RBMS3: variants seen among roughly 807,000 people sequenced by gnomAD.
RBMS3 encodes the protein RNA-binding motif, single-stranded-interacting protein 3.
Under a neutral mutation model 66.8 loss-of-function variants are expected in RBMS3, and 27 were observed. That is an observed-to-expected ratio of 0.40 (90% CI 0.30 to 0.56). RBMS3 has a LOEUF of 0.56. Ranked by LOEUF, RBMS3 falls within the 20% of genes least tolerant of loss-of-function variation. RBMS3 has a pLI of 0.40. For missense variants in RBMS3, 513 were observed against 549.5 expected, an observed-to-expected ratio of 0.93 and a Z score of 0.66; for synonymous variants, 188 against 183.0, an observed-to-expected ratio of 1.03 and a Z score of -0.22.
At chr3:29,607,273 C>T (rs1230376381) in intron 4 of RBMS3, among the ~76,000 whole-genome samples, 2 of 151,762 alleles carry the variant, frequency 1.3e-5, no homozygotes, top group African/African-American at 4.8e-5. Context: ...TAGTAAAATG[C>T]CATAGACTAG....
intron 1 of RBMS3, among the ~76,000 whole-genome samples, chr3:29,404,462 C>T (rs1297398366): frequency 6.6e-6 from 1 of 152,044 alleles, no homozygotes; most frequent in African/African-American, 2.4e-5. Context: ...TATCTAAATG[C>T]TCTTTGTTAG....
At chr3:29,911,437 A>C (rs1215975489) in intron 10 of RBMS3, among the ~76,000 whole-genome samples, 1 of 152,058 alleles carries the variant, frequency 6.6e-6, no homozygotes, top group African/African-American at 2.4e-5. Context: ...ATTCCATTAA[A>C]CATGGCATCT....
At chr3:29,625,297 AT>A (rs149091605) in intron 4 of RBMS3, among the ~76,000 whole-genome samples, 2 of 152,094 alleles carry the variant, frequency 1.3e-5, no homozygotes, top group African/African-American at 4.8e-5. Flanking sequence ...TACCACAGTT[AT>A]TTTTTTATAT....
At chr3:29,674,464 G>T (rs1487738190) in intron 4 of RBMS3, among the ~76,000 whole-genome samples, 1 of 152,072 alleles carries the variant, frequency 6.6e-6, no homozygotes, top group Non-Finnish European at 1.5e-5. Context: ...AAGTCAAATT[G>T]TCCCCGTTTG....
chr3:29,545,405 A>G (rs1443417535), intron 3 of RBMS3, among the ~76,000 whole-genome samples: 2 of 152,176 alleles, frequency 1.3e-5, no homozygotes, highest in Non-Finnish European at 2.9e-5. Flanking sequence ...AATTTGGGAA[A>G]AAATGTGTAA....
chr3:29,527,482 A>G (rs1218123755), intron 3 of RBMS3, among the ~76,000 whole-genome samples: 1 of 152,150 alleles, frequency 6.6e-6, no homozygotes, highest in Non-Finnish European at 1.5e-5. Context: ...GAGCAACTCC[A>G]TAACCAGGGG....
At chr3:29,330,913 G>C (rs6777437) in intron 1 of RBMS3, among the ~76,000 whole-genome samples, 2 of 152,020 alleles carry the variant, frequency 1.3e-5, no homozygotes, top group African/African-American at 4.8e-5. Flanking sequence ...CTGGAATAAA[G>C]TTGCTTTGCA....
At chr3:29,797,744 G>A (rs2149437478) in intron 6 of RBMS3, 1 of 152,248 alleles carries the variant, frequency 6.6e-6, no homozygotes, top group Admixed American at 6.5e-5. Flanking sequence ...AATAGGGATG[G>A]TATTAGGTGT....
chr3:29,542,472 C>T (rs546213462), intron 3 of RBMS3, among the ~76,000 whole-genome samples: 11 of 152,178 alleles, frequency 7.2e-5, no homozygotes, highest in East Asian at 1.9e-4. Flanking sequence ...GCGATTCTCC[C>T]GCCTCAGCCT....
chr3:29,816,511 T>G (rs1240388590), intron 6 of RBMS3, among the ~76,000 whole-genome samples: 1 of 152,184 alleles, frequency 6.6e-6, no homozygotes, highest in Admixed American at 6.5e-5. Flanking sequence ...AACCAACTTT[T>G]TTTTTGTTAA....
chr3:29,488,618 C>A, intron 3 of RBMS3, 119 bp downstream of exon 3: 1 of 733,824 alleles, frequency 1.4e-6, no homozygotes, highest in Non-Finnish European at 2.1e-6. Flanking sequence ...TATGGAAAAC[C>A]TCTTTAATGA....
intron 4 of RBMS3, among the ~76,000 whole-genome samples, chr3:29,660,928 A>G (rs777019217): frequency 1.3e-5 from 2 of 152,190 alleles, no homozygotes; most frequent in Non-Finnish European, 2.9e-5. Flanking sequence ...GTTATGACAG[A>G]TTCTTTGTCT....
chr3:29,625,210 T>C (rs6808057), intron 4 of RBMS3, among the ~76,000 whole-genome samples: 48,739 of 152,032 alleles, frequency 0.32, 8,357 homozygotes, highest in African/African-American at 0.43. Flanking sequence ...TTCTCTATAG[T>C]AGTGTGAAAA....
At chr3:29,606,546 A>T (rs1341896911) in intron 4 of RBMS3, among the ~76,000 whole-genome samples, 1 of 151,982 alleles carries the variant, frequency 6.6e-6, no homozygotes, top group Non-Finnish European at 1.5e-5. Flanking sequence ...CTCTCTTTGT[A>T]TAAAGCATCC....
chr3:29,927,643 T>C (rs1464746864), intron 10 of RBMS3, among the ~76,000 whole-genome samples: 2 of 152,152 alleles, frequency 1.3e-5, no homozygotes, highest in Non-Finnish European at 2.9e-5. Flanking sequence ...AAGCCTAGCG[T>C]TGCAGGCCAA....
At chr3:29,735,741 T>C (rs183150403) in intron 4 of RBMS3, among the ~76,000 whole-genome samples, 7 of 152,318 alleles carry the variant, frequency 4.6e-5, no homozygotes, top group African/African-American at 1.2e-4. Context: ...TTATTAATCA[T>C]TGGATTTTAA....
intron 4 of RBMS3, among the ~76,000 whole-genome samples, chr3:29,608,940 CT>C (rs1312615194): frequency 7.9e-5 from 12 of 151,892 alleles, no homozygotes; most frequent in Non-Finnish European, 1.5e-4. Flanking sequence ...TTATGTATTC[CT>C]TATAAATTTC....
chr3:29,917,333 C>A (rs746911350), intron 10 of RBMS3, among the ~76,000 whole-genome samples: 4 of 152,076 alleles, frequency 2.6e-5, no homozygotes, highest in Non-Finnish European at 5.9e-5. Flanking sequence ...TTGGCGATGT[C>A]CTTCCTTCAA....
At chr3:29,666,780 T>C (rs1379944723) in intron 4 of RBMS3, among the ~76,000 whole-genome samples, 2 of 152,206 alleles carry the variant, frequency 1.3e-5, no homozygotes, top group Non-Finnish European at 2.9e-5. Context: ...AAAAAATAAC[T>C]GGTTACTTTG....
Sources: gnomAD v4.1 joint callset for allele counts (sites outside exome capture counted in the v4.1 genomes callset) on GRCh38, gnomAD v4.1.1 for gene constraint, MANE v1.5 for transcripts, NCBI Gene and HGNC (gene_info 2026-07-23, HGNC 2026-07-21) for gene names.